The following SP1 variants were observed in gnomAD, a reference collection of about 807,000 sequenced individuals.
SP1 encodes transcription factor Sp1.
Under a neutral mutation model 66.3 loss-of-function variants are expected in SP1, and 6 were observed. The observed-to-expected ratio is 0.09, with a 90% CI of 0.05 to 0.18. SP1 has a LOEUF of 0.18. Among genes scored for constraint, SP1 ranks in the 10% least tolerant of loss-of-function variants. The pLI, the probability that SP1 is intolerant of heterozygous loss-of-function variation, is 1.00. For missense variants in SP1, 848 were observed against 964.5 expected (o/e 0.88, Z 1.60); for synonymous variants, 417 against 360.8 (o/e 1.16, Z -1.77).
rs200965968 is a variant in SP1 at position 53,383,556 on chromosome 12, T to G, written c.1609T>G (p.Leu537Val). The change falls in exon 3 of 6, where the codon TTG (leucine) becomes GTG (valine). Residue 537 changes from leucine to valine, a missense_variant. Leu to Val is a conservative substitution (Grantham distance 32). Coordinates refer to ENST00000327443, the MANE Select transcript of SP1 (RefSeq NM_138473.3). Reference protein sequence around the residue: ...PGLQTINLSALGTSGIQVHPI... With the variant: ...PGLQTINLSAVGTSGIQVHPI... ...CCTCCAGACCATTAACCTCAGTGCATTGGGTACTTCAGGAATCCAGGTGCA... is the reference window on the plus strand; with the variant it reads ...CCTCCAGACCATTAACCTCAGTGCAGTGGGTACTTCAGGAATCCAGGTGCA... 6.2e-7 allele frequency: 1 copy of G among 1,614,078 alleles called. No individual in the cohort carries two copies. Among genetic ancestry groups the G allele is most frequent in the Non-Finnish European group, 8.5e-7 (1 of 1,180,022 alleles).
rs143381191 is a variant in SP1 at position 53,406,706 on chromosome 12, C to T, written c.1797C>T (p.Thr599=). The change falls in exon 4 of 6, where the codon ACC becomes ACT. Residue 599 remains threonine (T), a synonymous_variant. Transcript: ENST00000327443. The part of the protein sequence containing the change: ...PDAQPQAGRR[T]RREACTCPYC... ...CCCAACCCCAAGCCGGTCGGAGGACCCGGCGGGAAGCATGCACCTGCCCCT... is the reference window on the plus strand; with the variant it reads ...CCCAACCCCAAGCCGGTCGGAGGACTCGGCGGGAAGCATGCACCTGCCCCT... 6.2e-7 allele frequency: 1 copy of T among 1,614,060 alleles called. No individual in the cohort carries two copies. Among genetic ancestry groups the T allele is most frequent in the East Asian group, 2.2e-5 (1 of 44,886 alleles).
chr12:53,401,581 C>A (rs2364598), intron 3 of SP1, among the ~76,000 whole-genome samples: 16,664 of 151,756 alleles, frequency 0.11, 1,170 homozygotes, highest in Middle Eastern at 0.18. Context: ...ATATGTTCAT[C>A]ATAATCATTA....
chr12:53,398,803 CAATT>C (rs1192346105), intron 3 of SP1, among the ~76,000 whole-genome samples: 1 of 152,066 alleles, frequency 6.6e-6, no homozygotes, highest in African/African-American at 2.4e-5. Context: ...AAATAAGTAA[CAATT>C]ATCTATAAAT....
chr12:53,388,686 G>T (rs367642647), intron 3 of SP1, among the ~76,000 whole-genome samples: 2 of 152,094 alleles, frequency 1.3e-5, no homozygotes, highest in African/African-American at 4.8e-5. Context: ...GCTGGCAAAA[G>T]TATCTTGTTT....
At chr12:53,384,578 A>T (rs886951120) in intron 3 of SP1, among the ~76,000 whole-genome samples, 2 of 152,110 alleles carry the variant, frequency 1.3e-5, no homozygotes, top group Non-Finnish European at 2.9e-5. Context: ...GAGCCACTGC[A>T]CCCAGCCACA....
chr12:53,406,035 A>G (rs1314831500), intron 3 of SP1, among the ~76,000 whole-genome samples: 1 of 147,836 alleles, frequency 6.8e-6, no homozygotes, highest in East Asian at 2.0e-4. Context: ...TCAGATTTTT[A>G]CGTATTTATT....
intron 3 of SP1, among the ~76,000 whole-genome samples, chr12:53,386,835 A>C (rs1938239725): frequency 6.6e-6 from 1 of 152,046 alleles, no homozygotes; most frequent in Non-Finnish European, 1.5e-5. Context: ...ATCTTTAATA[A>C]AGCACAATAA....
rs139461526 is a variant in SP1, at chr12:53,405,567, G to C, written c.1676-1018G>C. Among the ~76,000 whole-genome samples, 1,348 of 152,188 alleles carry C rather than the reference G, an allele frequency of 8.9e-3. 18 individuals are homozygous for C. Among genetic ancestry groups the C allele is most frequent in the African/African-American group, 0.031 (1,270 of 41,532 alleles). On this transcript the variant is annotated intron_variant, in intron 3 of 5. Transcript: ENST00000327443. The stretch of plus-strand genomic sequence containing the variant: ...TACCTGTAGTTGCAGCTACTTGGGA[G>C]GCTAAGGCAGGAGAATCACTTGAAC...
At chr12:53,381,579 A>G (rs976142081) in intron 1 of SP1, 80 bp from the exon 2 acceptor site, 9 of 1,330,416 alleles carry the variant, frequency 6.8e-6, no homozygotes, top group Non-Finnish European at 9.2e-6. Flanking sequence ...TTGCTATTTC[A>G]TCATAGCCTC....
chr12:53,396,357 C>T (rs1192089826), intron 3 of SP1, among the ~76,000 whole-genome samples: 1 of 151,318 alleles, frequency 6.6e-6, no homozygotes, highest in African/African-American at 2.4e-5. Context: ...ATCATCAGGT[C>T]AAGAGATGGA....
intron 1 of SP1, among the ~76,000 whole-genome samples, chr12:53,380,892 CTT>C (rs1938078311): frequency 6.6e-6 from 1 of 150,852 alleles, no homozygotes; most frequent in South Asian, 2.1e-4. Flanking sequence ...TCTACTCACA[CTT>C]TTTACTTCTT....
At chr12:53,404,831 C>A (rs569530256) in intron 3 of SP1, among the ~76,000 whole-genome samples, 55 of 151,956 alleles carry the variant, frequency 3.6e-4, no homozygotes, top group African/African-American at 1.3e-3. Flanking sequence ...CCACCATGCC[C>A]AGCTAATTAT....
At chr12:53,380,946 CTTTT>C (rs35296566) in intron 1 of SP1, among the ~76,000 whole-genome samples, 6 of 100,800 alleles carry the variant, frequency 6.0e-5, no homozygotes, top group Admixed American at 2.2e-4. Flanking sequence ...TTTTGTTTGT[CTTTT>C]TTTTTTTTTT....
chr12:53,400,054 G>A (rs1225796420), intron 3 of SP1, among the ~76,000 whole-genome samples: 1 of 152,072 alleles, frequency 6.6e-6, no homozygotes. Context: ...TGAGCCACCG[G>A]TCCCGGCTTA....
chr12:53,405,941 G>A (rs757087729), intron 3 of SP1, among the ~76,000 whole-genome samples: 1 of 150,546 alleles, frequency 6.6e-6, no homozygotes, highest in Non-Finnish European at 1.5e-5. Context: ...TATGGCACAT[G>A]TATACATATG....
intron 3 of SP1, among the ~76,000 whole-genome samples, chr12:53,394,646 GCT>G (rs1210895300): frequency 8.7e-6 from 1 of 114,948 alleles, no homozygotes; most frequent in Non-Finnish European, 1.6e-5. Context: ...ACGCAGTCTC[GCT>G]CTGTTGTCCA....
intron 3 of SP1, among the ~76,000 whole-genome samples, chr12:53,394,846 CCT>C (rs1321023495): frequency 1.3e-5 from 2 of 151,594 alleles, no homozygotes; most frequent in Non-Finnish European, 2.9e-5. Context: ...AATCTCCTGA[CCT>C]CGTGATCCAC....
At chr12:53,397,543 C>T (rs1938516459) in intron 3 of SP1, among the ~76,000 whole-genome samples, 1 of 148,514 alleles carries the variant, frequency 6.7e-6, no homozygotes, top group Non-Finnish European at 1.5e-5. Flanking sequence ...TGGCTCACTG[C>T]AACCTCTGCC....
chr12:53,404,053 C>T (rs1465996577), intron 3 of SP1, among the ~76,000 whole-genome samples: 3 of 151,964 alleles, frequency 2.0e-5, no homozygotes, highest in African/African-American at 7.2e-5. Context: ...CGCCTGTAGT[C>T]CCACCTACTA....
Sources: allele counts gnomAD v4.1 joint callset (sites outside exome capture counted in the v4.1 genomes callset), GRCh38; gene constraint gnomAD v4.1.1; transcripts MANE v1.5; gene names NCBI Gene and HGNC (gene_info 2026-07-23, HGNC 2026-07-21).